SDK1: variants seen among roughly 807,000 people sequenced by gnomAD.
SDK1 encodes the protein protein sidekick-1.
A neutral mutation model predicts 245.5 loss-of-function variants in SDK1; 157 were observed. The ratio of observed to expected loss-of-function variants is 0.64; its 90% CI spans 0.56 to 0.73. The LOEUF is 0.73. Ranked by LOEUF, SDK1 falls within the 30% of genes least tolerant of loss-of-function variation. SDK1 has a pLI of 0.00. For missense variants in SDK1, 3,583 were observed against 3,002.3 expected (o/e 1.19, Z -4.52); for synonymous variants, 1,647 against 1,278.5 (o/e 1.29, Z -6.15).
At chr7:3,312,463 A>G (rs529919333) in intron 1 of SDK1, among the ~76,000 whole-genome samples, 1 of 152,276 alleles carries the variant, frequency 6.6e-6, no homozygotes, top group African/African-American at 2.4e-5. Flanking sequence ...ATTATGAGAG[A>G]TGAAAGGGGT....
At chr7:3,733,761 T>G (rs1009580384) in intron 4 of SDK1, among the ~76,000 whole-genome samples, 2 of 152,178 alleles carry the variant, frequency 1.3e-5, no homozygotes, top group Non-Finnish European at 2.9e-5. Context: ...TCTGTTGTAC[T>G]TAAGGCCTGT....
chr7:3,385,560 G>C (rs1424011354), intron 1 of SDK1, among the ~76,000 whole-genome samples: 1 of 151,856 alleles, frequency 6.6e-6, no homozygotes, highest in Non-Finnish European at 1.5e-5. Flanking sequence ...GCACCTGCTG[G>C]TCTCTCTGCC....
At chr7:3,694,290 T>A (rs1251213410) in intron 4 of SDK1, among the ~76,000 whole-genome samples, 1 of 152,178 alleles carries the variant, frequency 6.6e-6, no homozygotes, top group African/African-American at 2.4e-5. Context: ...GGGAGGTCAC[T>A]TCCCCTCCTA....
At chr7:4,221,736 A>G (rs1013857688) in intron 40 of SDK1, among the ~76,000 whole-genome samples, 21 of 152,206 alleles carry the variant, frequency 1.4e-4, no homozygotes, top group Non-Finnish European at 2.6e-4. Flanking sequence ...TTTGCTGCCG[A>G]GATGGAAAAC....
At chr7:3,496,606 A>T (rs1383132455) in intron 1 of SDK1, among the ~76,000 whole-genome samples, 1 of 152,206 alleles carries the variant, frequency 6.6e-6, no homozygotes, top group Non-Finnish European at 1.5e-5. Flanking sequence ...GAAAATTTAA[A>T]ACAGGATTCA....
chr7:3,562,188 G>A (rs904660370), intron 1 of SDK1, among the ~76,000 whole-genome samples: 1 of 152,200 alleles, frequency 6.6e-6, no homozygotes, highest in Non-Finnish European at 1.5e-5. Flanking sequence ...ATGCTTCCAA[G>A]TGCAAGACAG....
chr7:3,775,699 C>A (rs1383429104), intron 4 of SDK1, among the ~76,000 whole-genome samples: 1 of 151,884 alleles, frequency 6.6e-6, no homozygotes, highest in Non-Finnish European at 1.5e-5. Context: ...GCCTCAGCCT[C>A]CCGAGTAGCT....
At chr7:3,818,649 C>T (rs950167598) in intron 4 of SDK1, among the ~76,000 whole-genome samples, 1 of 152,198 alleles carries the variant, frequency 6.6e-6, no homozygotes, top group Non-Finnish European at 1.5e-5. Context: ...GCAGCCCTAA[C>T]TTATCACGGT....
chr7:3,505,283 G>C (rs868686149), intron 1 of SDK1, among the ~76,000 whole-genome samples: 1 of 151,992 alleles, frequency 6.6e-6, no homozygotes, highest in African/African-American at 2.4e-5. Context: ...GTTTCACTCT[G>C]TCACCCAGTT....
chr7:3,602,125 C>T (rs1412165588), intron 1 of SDK1, among the ~76,000 whole-genome samples: 1 of 151,910 alleles, frequency 6.6e-6, no homozygotes, highest in Non-Finnish European at 1.5e-5. Flanking sequence ...GTGAATAGTG[C>T]TACAATAAAC....
At chr7:3,591,242 C>T (rs1033458136) in intron 1 of SDK1, among the ~76,000 whole-genome samples, 1 of 152,000 alleles carries the variant, frequency 6.6e-6, no homozygotes, top group Non-Finnish European at 1.5e-5. Flanking sequence ...TAAGGATTAC[C>T]TTTTTCCTTT....
chr7:4,264,568 G>T (rs539793975), intron 44 of SDK1, among the ~76,000 whole-genome samples: 2 of 132,690 alleles, frequency 1.5e-5, no homozygotes, highest in African/African-American at 6.0e-5. Flanking sequence ...AGGCCGCGTG[G>T]ACCTCTCCTG....
At chr7:3,842,507 G>T (rs1780183716) in intron 5 of SDK1, among the ~76,000 whole-genome samples, 1 of 152,130 alleles carries the variant, frequency 6.6e-6, no homozygotes, top group Admixed American at 6.5e-5. Flanking sequence ...ATGGTGAATT[G>T]GTGCCAGTGA....
intron 17 of SDK1, among the ~76,000 whole-genome samples, chr7:4,018,649 GT>G (rs1180943210): frequency 6.6e-6 from 1 of 152,184 alleles, no homozygotes; most frequent in Non-Finnish European, 1.5e-5. Flanking sequence ...AACTGTGACT[GT>G]TTCATTTTAT....
intron 4 of SDK1, among the ~76,000 whole-genome samples, chr7:3,680,744 G>C (rs532293254): frequency 5.1e-4 from 77 of 152,176 alleles, no homozygotes; most frequent in Non-Finnish European, 1.0e-3. Context: ...AGAATCCCTA[G>C]GTTTGTTGTC....
chr7:4,161,511 T>C (rs1346477037), intron 31 of SDK1, among the ~76,000 whole-genome samples: 1 of 152,048 alleles, frequency 6.6e-6, no homozygotes, highest in African/African-American at 2.4e-5. Flanking sequence ...ACAGCCTCAC[T>C]GGAGGGGTGG....
At chr7:4,009,353 G>T (rs535188266) in intron 14 of SDK1, among the ~76,000 whole-genome samples, 1 of 152,176 alleles carries the variant, frequency 6.6e-6, no homozygotes, top group Non-Finnish European at 1.5e-5. Context: ...ATGGCCTTTC[G>T]TCTTCTGCAT....
At chr7:3,559,433 T>C (rs979237801) in intron 1 of SDK1, among the ~76,000 whole-genome samples, 1 of 152,214 alleles carries the variant, frequency 6.6e-6, no homozygotes, top group Non-Finnish European at 1.5e-5. Context: ...AGTGAACTTT[T>C]ATGTTTCTTT....
intron 1 of SDK1, among the ~76,000 whole-genome samples, chr7:3,421,387 T>G (rs530415423): frequency 2.3e-4 from 35 of 152,294 alleles, no homozygotes; most frequent in Non-Finnish European, 3.8e-4. Context: ...GCACTCTCAC[T>G]TCTAGTTATC....
Sources: gnomAD v4.1 joint callset for allele counts (sites outside exome capture counted in the v4.1 genomes callset) on GRCh38, gnomAD v4.1.1 for gene constraint, MANE v1.5 for transcripts, NCBI Gene and HGNC (gene_info 2026-07-23, HGNC 2026-07-21) for gene names.